The following GPC5 variants were observed in gnomAD, a reference collection of about 807,000 sequenced individuals.
GPC5 encodes the protein glypican 5.
A neutral mutation model predicts 53.9 loss-of-function variants in GPC5; 47 were observed. That is an observed-to-expected ratio of 0.87 (90% CI 0.69 to 1.11). GPC5 has a LOEUF of 1.11. Among genes scored for constraint, GPC5 ranks in the 50% most tolerant of loss-of-function variants. The pLI, the probability that GPC5 is intolerant of heterozygous loss-of-function variation, is 0.00. For missense variants in GPC5, 748 were observed against 713.1 expected (o/e 1.05, Z -0.56); for synonymous variants, 286 against 263.3 (o/e 1.09, Z -0.84).
At chr13:92,590,809 A>G (rs1459698804) in intron 7 of GPC5, among the ~76,000 whole-genome samples, 1 of 152,176 alleles carries the variant, frequency 6.6e-6, no homozygotes. Flanking sequence ...ATTTGTCAAG[A>G]TCTGCTTTAG....
Position 91,728,666 on chromosome 13 carries a change from G to A in GPC5, c.1154+1G>A. Reference sequence around the variant, plus strand: ...AAGAGACGCTTGCCAACAGAAGAAAGTAAGACATTTGTTTTACAACCAGAA... The same window carrying A: ...AAGAGACGCTTGCCAACAGAAGAAAATAAGACATTTGTTTTACAACCAGAA... On this transcript the variant is annotated splice_donor_variant, in intron 4 of 7. Coordinates refer to ENST00000377067, the MANE Select transcript of GPC5 (RefSeq NM_004466.6). LOFTEE classifies it high-confidence loss of function. 1 of 1,606,744 alleles carries A rather than the reference G, an allele frequency of 6.2e-7. No homozygotes were observed. Among genetic ancestry groups the A allele is most frequent in the Non-Finnish European group, 8.5e-7 (1 of 1,176,702 alleles).
chr13:92,047,470 C>A (rs2040992140), intron 6 of GPC5, among the ~76,000 whole-genome samples: 1 of 150,364 alleles, frequency 6.7e-6, no homozygotes, highest in Non-Finnish European at 1.5e-5. Flanking sequence ...CTATGATCAT[C>A]CAGTGAGCCT....
intron 5 of GPC5, among the ~76,000 whole-genome samples, chr13:91,772,043 C>G (rs945028225): frequency 6.6e-6 from 1 of 152,072 alleles, no homozygotes; most frequent in Non-Finnish European, 1.5e-5. Context: ...TAGGACTAAC[C>G]GAACACTGCT....
At chr13:92,609,143 G>A (rs529938133) in intron 7 of GPC5, among the ~76,000 whole-genome samples, 123 of 152,218 alleles carry the variant, frequency 8.1e-4, no homozygotes, top group African/African-American at 2.9e-3. Flanking sequence ...CTTATCGTTT[G>A]TATTTGAATA....
intron 6 of GPC5, among the ~76,000 whole-genome samples, chr13:92,013,091 G>T (rs1240511303): frequency 2.0e-5 from 3 of 152,202 alleles, no homozygotes; most frequent in Non-Finnish European, 4.4e-5. Context: ...TTGGCCCCTT[G>T]CCTCGTTGCA....
intron 6 of GPC5, among the ~76,000 whole-genome samples, chr13:92,110,411 C>A (rs938336889): frequency 6.6e-6 from 1 of 152,016 alleles, no homozygotes; most frequent in South Asian, 2.1e-4. Context: ...CTGAAATGGC[C>A]CTTCTGCAGC....
At chr13:92,557,010 T>G (rs1390873905) in intron 7 of GPC5, among the ~76,000 whole-genome samples, 1 of 151,906 alleles carries the variant, frequency 6.6e-6, no homozygotes, top group Non-Finnish European at 1.5e-5. Context: ...TTTTAATCTT[T>G]GCAATAGTCA....
chr13:92,111,409 A>C (rs2041555540), intron 6 of GPC5, among the ~76,000 whole-genome samples: 1 of 152,176 alleles, frequency 6.6e-6, no homozygotes, highest in African/African-American at 2.4e-5. Context: ...AGGTACCAGA[A>C]AGCCTGGGAA....
intron 7 of GPC5, among the ~76,000 whole-genome samples, chr13:92,227,150 T>A (rs1243042738): frequency 6.6e-6 from 1 of 152,162 alleles, no homozygotes; most frequent in African/African-American, 2.4e-5. Context: ...CATTGAATAG[T>A]AAAGTCTCTG....
At chr13:92,732,670 T>C (rs1047712488) in intron 7 of GPC5, among the ~76,000 whole-genome samples, 1 of 151,710 alleles carries the variant, frequency 6.6e-6, no homozygotes, top group Non-Finnish European at 1.5e-5. Context: ...AGACAATTCC[T>C]TGAAGATAAT....
chr13:92,517,924 C>T (rs1880861002), intron 7 of GPC5, among the ~76,000 whole-genome samples: 1 of 152,012 alleles, frequency 6.6e-6, no homozygotes, highest in African/African-American at 2.4e-5. Flanking sequence ...AGTTAAAAAC[C>T]TTGAAAAAAG....
intron 7 of GPC5, among the ~76,000 whole-genome samples, chr13:92,603,446 T>C (rs1208364975): frequency 6.6e-6 from 1 of 152,230 alleles, no homozygotes; most frequent in Non-Finnish European, 1.5e-5. Context: ...CACAAAAATT[T>C]ACTAAACCTA....
Position 91,964,286 on chromosome 13 carries a change from G to A in GPC5, c.1401+56229G>A, listed in dbSNP as rs147136873. 3.4e-3 allele frequency among the ~76,000 whole-genome samples: 515 copies of A among 152,300 alleles called. 10 individuals are homozygous for A. The highest frequency in any genetic ancestry group is 0.019 in the East Asian group (96 of 5,172). On this transcript the variant is annotated intron_variant, in intron 6 of 7. Coordinates refer to ENST00000377067, the MANE Select transcript of GPC5 (RefSeq NM_004466.6). ...GAACAAAGCCTCCAAAGGGTGGAAA[G>A]AGACCCCAGCAGGTTGCTGGTGTGG...
chr13:91,450,648 G>C (rs905860542), intron 2 of GPC5, among the ~76,000 whole-genome samples: 1 of 152,148 alleles, frequency 6.6e-6, no homozygotes, highest in African/African-American at 2.4e-5. Context: ...CTCTATTGAA[G>C]TGTCAGCTAA....
intron 7 of GPC5, among the ~76,000 whole-genome samples, chr13:92,285,344 C>A (rs1338508379): frequency 6.6e-6 from 1 of 152,058 alleles, no homozygotes; most frequent in Admixed American, 6.5e-5. Context: ...CAATGCCATC[C>A]CCATCAAGCT....
chr13:92,832,420 T>C (rs1481935704), intron 7 of GPC5, among the ~76,000 whole-genome samples: 1 of 152,202 alleles, frequency 6.6e-6, no homozygotes, highest in Non-Finnish European at 1.5e-5. Flanking sequence ...GTAATGGATT[T>C]CCTGGAGATT....
chr13:92,560,825 C>T (rs958017083), intron 7 of GPC5, among the ~76,000 whole-genome samples: 23 of 147,862 alleles, frequency 1.6e-4, no homozygotes, highest in African/African-American at 4.5e-4. Context: ...TTCTCCTCAA[C>T]GAATATAAAT....
intron 2 of GPC5, among the ~76,000 whole-genome samples, chr13:91,505,571 T>G (rs1013564078): frequency 6.6e-6 from 1 of 152,206 alleles, no homozygotes; most frequent in Non-Finnish European, 1.5e-5. Context: ...CTCAGCACTT[T>G]GTTCAAGTTT....
At chr13:92,644,939 T>C (rs149413985) in intron 7 of GPC5, among the ~76,000 whole-genome samples, 72 of 152,246 alleles carry the variant, frequency 4.7e-4, no homozygotes, top group African/African-American at 1.7e-3. Flanking sequence ...AGGTAAACTT[T>C]GTTGGACTTA....
Sources: gnomAD v4.1 joint callset for allele counts (sites outside exome capture counted in the v4.1 genomes callset) on GRCh38, gnomAD v4.1.1 for gene constraint, MANE v1.5 for transcripts, NCBI Gene and HGNC (gene_info 2026-07-23, HGNC 2026-07-21) for gene names.